CNTN5: variants seen among roughly 807,000 people sequenced by gnomAD.
CNTN5 encodes the protein contactin-5.
A neutral mutation model predicts 129.1 loss-of-function variants in CNTN5; 77 were observed. The observed-to-expected ratio is 0.60, with a 90% confidence interval of 0.50 to 0.72. The LOEUF (loss-of-function observed/expected upper bound fraction) is 0.72, where lower values mean the gene tolerates loss of function less well. Among genes scored for constraint, CNTN5 ranks in the 30% least tolerant of loss-of-function variants. The pLI, the probability that CNTN5 is intolerant of heterozygous loss-of-function variation, is 0.00. For synonymous variants in CNTN5, 509 were observed against 465.6 expected (o/e 1.09, Z -1.20); for missense variants, 1,478 against 1,328.8 (o/e 1.11, Z -1.75).
At chr11:99,037,477 C>T (rs538193358) in intron 1 of CNTN5, among the ~76,000 whole-genome samples, 1 of 151,982 alleles carries the variant, frequency 6.6e-6, no homozygotes, top group African/African-American at 2.4e-5. Flanking sequence ...ACAGTACTAC[C>T]AAAACCTATC....
At chr11:100,030,625 G>A (rs1210461245) in intron 9 of CNTN5, among the ~76,000 whole-genome samples, 1 of 152,104 alleles carries the variant, frequency 6.6e-6, no homozygotes, top group East Asian at 1.9e-4. Flanking sequence ...TAGAACAAAA[G>A]GGCTGATGTA....
At chr11:99,412,171 A>C (rs1942426564) in intron 2 of CNTN5, among the ~76,000 whole-genome samples, 1 of 152,186 alleles carries the variant, frequency 6.6e-6, no homozygotes, top group African/African-American at 2.4e-5. Flanking sequence ...AACTTTCTTA[A>C]GAAGGCAAAT....
At chr11:100,126,305 G>A (rs1326053076) in intron 13 of CNTN5, among the ~76,000 whole-genome samples, 2 of 152,040 alleles carry the variant, frequency 1.3e-5, no homozygotes, top group Non-Finnish European at 2.9e-5. Flanking sequence ...TGTCTACTAG[G>A]TCCAATTTGT....
chr11:99,317,902 A>T (rs1865411398), intron 1 of CNTN5, among the ~76,000 whole-genome samples: 1 of 152,096 alleles, frequency 6.6e-6, no homozygotes, highest in Non-Finnish European at 1.5e-5. Flanking sequence ...AAGAGTTTGT[A>T]TTTTTAATTT....
intron 16 of CNTN5, chr11:100,225,556 A>G (rs561518397): frequency 4.0e-5 from 6 of 151,772 alleles, no homozygotes; most frequent in African/African-American, 7.3e-5. Context: ...TGTTTGAAGT[A>G]CAATATTTCT....
Position 100,317,828 on chromosome 11 carries a change from T to G in CNTN5, c.2730+9360T>G, listed in dbSNP as rs1951598922. 2.6e-5 allele frequency among the ~76,000 whole-genome samples: 4 copies of G among 152,234 alleles called. No homozygotes were observed. In the South Asian group the frequency reaches 8.3e-4, roughly 32 times the overall value. On this transcript the variant is annotated intron_variant, in intron 21 of 24. Coordinates refer to ENST00000524871, the MANE Select transcript of CNTN5 (RefSeq NM_014361.4). ...CTGTAACTAAAACAACTTTAAAATT[T>G]TCTTTTCTACTGAAATTTTGACACA...
intron 1 of CNTN5, among the ~76,000 whole-genome samples, chr11:99,270,408 C>T (rs1382819446): frequency 6.6e-6 from 1 of 151,792 alleles, no homozygotes. Flanking sequence ...ATTTTTCCAG[C>T]ACCTTCTTAA....
intron 6 of CNTN5, among the ~76,000 whole-genome samples, chr11:99,864,420 T>C (rs2099908): frequency 0.98 from 148,782 of 152,100 alleles, 72,832 homozygotes; most frequent in East Asian, 1. Context: ...AATATTCTAA[T>C]CTTAACCCTC....
intron 6 of CNTN5, among the ~76,000 whole-genome samples, chr11:99,859,262 A>G (rs1948134507): frequency 6.6e-6 from 1 of 152,240 alleles, no homozygotes; most frequent in Non-Finnish European, 1.5e-5. Flanking sequence ...TTATGGTCAC[A>G]CGGCTCAGAT....
In CNTN5 at chr11:100,035,318, G is replaced by A. The variant is rs1043106535; in HGVS notation, c.981-25894G>A. Among the ~76,000 whole-genome samples the A allele has an allele frequency of 6.1e-5, 9 of 148,148 alleles. 1 individual carries two copies. The South Asian group carries it at 1.3e-3, about 21-fold the overall frequency. ...ATGAACTCATCATTTTTTTATGGCTGCATAGTATTCCATGATGTATATGTG... is the reference window on the plus strand; with the variant it reads ...ATGAACTCATCATTTTTTTATGGCTACATAGTATTCCATGATGTATATGTG... On this transcript the variant is annotated intron_variant, in intron 9 of 24. Coordinates refer to ENST00000524871, the MANE Select transcript of CNTN5 (RefSeq NM_014361.4).
At chr11:100,249,654 T>C (rs1376782737) in intron 16 of CNTN5, among the ~76,000 whole-genome samples, 1 of 152,216 alleles carries the variant, frequency 6.6e-6, no homozygotes, top group Non-Finnish European at 1.5e-5. Context: ...TTGTCATCAC[T>C]GAGACGTTTG....
intron 9 of CNTN5, among the ~76,000 whole-genome samples, chr11:100,032,235 A>G (rs962769313): frequency 5.9e-5 from 9 of 152,104 alleles, no homozygotes; most frequent in African/African-American, 2.2e-4. Flanking sequence ...AGATGCAGCA[A>G]ATTAGGTTAT....
intron 1 of CNTN5, among the ~76,000 whole-genome samples, chr11:99,144,726 T>G: frequency 6.6e-6 from 1 of 152,184 alleles, no homozygotes; most frequent in East Asian, 1.9e-4. Context: ...TTATATTTTC[T>G]ATTTCATTCA....
rs146722422 is a variant in CNTN5 at position 99,823,579 on chromosome 11, T to C, written c.277+3814T>C. Among the ~76,000 whole-genome samples the C allele has an allele frequency of 1.4e-3, 213 of 152,290 alleles. 2 individuals carry two copies. The East Asian group carries it at 0.02, about 14-fold the overall frequency. ...CCAATTGTCCTACTATTTTAAGTGC[T>C]CATAGTTTATATTAAATGTATTATT... On this transcript the variant is annotated intron_variant, in intron 4 of 24. Transcript: ENST00000524871.
intron 21 of CNTN5, among the ~76,000 whole-genome samples, chr11:100,319,778 C>T (rs1951648788): frequency 6.6e-6 from 1 of 152,154 alleles, no homozygotes; most frequent in Non-Finnish European, 1.5e-5. Context: ...TTCTTAGAGT[C>T]CACATATGGG....
chr11:99,271,753 A>G (rs1441760225), intron 1 of CNTN5, among the ~76,000 whole-genome samples: 1 of 151,846 alleles, frequency 6.6e-6, no homozygotes, highest in Non-Finnish European at 1.5e-5. Flanking sequence ...GACTATTGAT[A>G]AAAGCCCTTA....
At chr11:99,267,578 A>T (rs1457844377) in intron 1 of CNTN5, among the ~76,000 whole-genome samples, 2 of 152,010 alleles carry the variant, frequency 1.3e-5, no homozygotes, top group East Asian at 3.9e-4. Flanking sequence ...TGGTCAAGGC[A>T]ATATTGATTT....
intron 3 of CNTN5, among the ~76,000 whole-genome samples, chr11:99,797,026 G>T (rs554258948): frequency 8.5e-5 from 13 of 152,102 alleles, no homozygotes; most frequent in African/African-American, 3.1e-4. Context: ...CTTCATGCAG[G>T]ATTCCCCATG....
intron 21 of CNTN5, chr11:100,309,154 G>A: frequency 1.0e-6 from 1 of 984,952 alleles, no homozygotes; most frequent in South Asian, 4.7e-5. Flanking sequence ...GAATTAGGGG[G>A]ATAATGTCTA....
Sources: allele counts gnomAD v4.1 joint callset (sites outside exome capture counted in the v4.1 genomes callset), GRCh38; gene constraint gnomAD v4.1.1; transcripts MANE v1.5; gene names NCBI Gene and HGNC (gene_info 2026-07-23, HGNC 2026-07-21).